Variants in ZBTB20 observed in about 807,000 individuals in gnomAD.
ZBTB20 encodes the protein zinc finger and BTB domain-containing protein 20.
In ZBTB20, 9 loss-of-function variants were observed where a neutral mutation model predicts 56.9. The ratio of observed to expected loss-of-function variants is 0.16; its 90% confidence interval spans 0.10 to 0.28. The LOEUF (loss-of-function observed/expected upper bound fraction) is 0.28, where lower values mean the gene tolerates loss of function less well. Among genes scored for constraint, ZBTB20 ranks in the 10% least tolerant of loss-of-function variants. The probability of loss-of-function intolerance (pLI) is 1.00; values close to 1 mark genes in which losing one functional copy is unlikely to be tolerated. For synonymous variants in ZBTB20, 417 were observed against 420.7 expected (o/e 0.99, Z 0.11); for missense variants, 655 against 1,003.0 (o/e 0.65, Z 4.69).
chr3:115,041,820 C>T (rs891622773), intron 2 of ZBTB20, among the ~76,000 whole-genome samples: 1 of 152,078 alleles, frequency 6.6e-6, no homozygotes, highest in African/African-American at 2.4e-5. Context: ...AAATTAGACG[C>T]AAAAGTTTGA....
intron 5 of ZBTB20, among the ~76,000 whole-genome samples, chr3:114,798,341 C>CA (rs751057036): frequency 1.5e-5 from 1 of 68,576 alleles, no homozygotes; most frequent in Non-Finnish European, 4.9e-5. Flanking sequence ...AATTAAAAAA[C>CA]AAAAAAACAA....
chr3:114,926,278 C>G (rs1040163663), intron 3 of ZBTB20, among the ~76,000 whole-genome samples: 1 of 152,170 alleles, frequency 6.6e-6, no homozygotes, highest in Admixed American at 6.5e-5. Flanking sequence ...ATGACATTTG[C>G]TTAATACAAA....
At chr3:114,803,546 G>A (rs191125815) in intron 4 of ZBTB20, among the ~76,000 whole-genome samples, 44 of 151,830 alleles carry the variant, frequency 2.9e-4, no homozygotes, top group Admixed American at 2.6e-3. Context: ...GCCCAAAGAT[G>A]GACCTGGAAG....
chr3:114,999,400 T>C (rs1365389179), intron 2 of ZBTB20, among the ~76,000 whole-genome samples: 1 of 151,672 alleles, frequency 6.6e-6, no homozygotes, highest in Non-Finnish European at 1.5e-5. Flanking sequence ...TGAGGGCACA[T>C]GTAAAAACTT....
At chr3:114,488,561 T>C (rs1480892159) in intron 7 of ZBTB20, among the ~76,000 whole-genome samples, 1 of 152,204 alleles carries the variant, frequency 6.6e-6, no homozygotes, top group Non-Finnish European at 1.5e-5. Flanking sequence ...TATTCATGTA[T>C]ATGGCAAAAA....
intron 1 of ZBTB20, among the ~76,000 whole-genome samples, chr3:115,129,150 C>T (rs2084428991): frequency 6.6e-6 from 1 of 151,870 alleles, no homozygotes; most frequent in Non-Finnish European, 1.5e-5. Flanking sequence ...ATGTCTACTA[C>T]TGGAAGAATA....
chr3:114,384,695 T>C (rs1333280469), intron 8 of ZBTB20, among the ~76,000 whole-genome samples: 1 of 152,220 alleles, frequency 6.6e-6, no homozygotes, highest in African/African-American at 2.4e-5. Context: ...TTTTTAACTC[T>C]CATTGTGCTG....
intron 4 of ZBTB20, among the ~76,000 whole-genome samples, chr3:114,821,517 T>G (rs1297000880): frequency 1.3e-5 from 2 of 152,120 alleles, no homozygotes; most frequent in Non-Finnish European, 2.9e-5. Context: ...GGCCTAGTCT[T>G]CCATGCCAAA....
chr3:114,897,254 G>A (rs977236650), intron 4 of ZBTB20, among the ~76,000 whole-genome samples: 1 of 152,070 alleles, frequency 6.6e-6, no homozygotes, highest in African/African-American at 2.4e-5. Context: ...ATATATCTTT[G>A]TCTCTCACTA....
intron 4 of ZBTB20, among the ~76,000 whole-genome samples, chr3:114,847,248 C>T (rs2074753242): frequency 6.6e-6 from 1 of 150,958 alleles, no homozygotes; most frequent in African/African-American, 2.4e-5. Flanking sequence ...ACCGTCATTA[C>T]TTCAGATTTG....
At chr3:114,627,770 A>G (rs1222781266) in intron 6 of ZBTB20, among the ~76,000 whole-genome samples, 1 of 152,236 alleles carries the variant, frequency 6.6e-6, no homozygotes, top group African/African-American at 2.4e-5. Flanking sequence ...ACAAGTCACA[A>G]TGACAAATCA....
At chr3:114,927,372 G>C (rs886864663) in intron 3 of ZBTB20, among the ~76,000 whole-genome samples, 6 of 152,162 alleles carry the variant, frequency 3.9e-5, no homozygotes, top group African/African-American at 1.2e-4. Flanking sequence ...TGCTCCGACT[G>C]TCTTGGGCAC....
chr3:114,762,794 T>C (rs2068528622), intron 5 of ZBTB20, among the ~76,000 whole-genome samples: 1 of 152,190 alleles, frequency 6.6e-6, no homozygotes, highest in Non-Finnish European at 1.5e-5. Flanking sequence ...AGAAGACAAC[T>C]TCACGTACTC....
chr3:114,662,491 CA>C (rs1404220707), intron 6 of ZBTB20, among the ~76,000 whole-genome samples: 42 of 146,410 alleles, frequency 2.9e-4, no homozygotes, highest in African/African-American at 1.1e-3. Flanking sequence ...CTCACTTCCA[CA>C]ATGGTTGAAC....
intron 5 of ZBTB20, among the ~76,000 whole-genome samples, chr3:114,749,731 G>A (rs554735893): frequency 1.1e-3 from 170 of 152,254 alleles, no homozygotes; most frequent in Middle Eastern, 3.4e-3. Context: ...AAGGATGAAC[G>A]TTAGTCTTAG....
intron 7 of ZBTB20, among the ~76,000 whole-genome samples, chr3:114,476,127 T>C (rs527946400): frequency 3.3e-4 from 50 of 152,314 alleles, no homozygotes; most frequent in Non-Finnish European, 6.0e-4. Flanking sequence ...ACTTAATATA[T>C]AGTATAAATA....
At position 114,351,826 on chromosome 3, in the gene ZBTB20, G is replaced by T. The variant is rs1300458937; in HGVS notation, c.252C>A (p.His84Gln). Residue 84 changes from histidine (H) to glutamine (Q), a missense_variant, in exon 11 of 12, where the codon CAC becomes CAA. Transcript: ENST00000675478. ...TCTCGAGCACGGAATTGCTGAAGTT[G>T]TGAAGGTTGATGCTGTGAATGCGCT... ...MTERIHSINL[H>Q]NFSNSVLETL... is the part of the protein sequence containing the mutation. The T allele has an allele frequency of 6.2e-7, 1 of 1,605,320 alleles. No homozygotes were observed. Among genetic ancestry groups the T allele is most frequent in the African/African-American group, 1.3e-5 (1 of 74,800 alleles).
chr3:114,494,870 T>C (rs1021012209), intron 7 of ZBTB20, among the ~76,000 whole-genome samples: 10 of 152,344 alleles, frequency 6.6e-5, no homozygotes, highest in Non-Finnish European at 1.5e-4. Context: ...AGGTTTAGAA[T>C]TCAAGTGGGG....
In ZBTB20 at chr3:114,756,337, C is replaced by T. The variant is rs145784256; in HGVS notation, c.-343+44764G>A. ...AGGGAGATATAAAATTAAAATACCA[C>T]CATGAAAAAATCCATATGAAATTTG... On this transcript the variant is annotated intron_variant, in intron 5 of 11. Coordinates refer to ENST00000675478, the MANE Select transcript of ZBTB20 (RefSeq NM_001348800.3). 8.5e-5 allele frequency among the ~76,000 whole-genome samples: 13 copies of T among 152,202 alleles called. No homozygotes were observed. In the East Asian group the frequency reaches 2.5e-3, roughly 29 times the overall value.
Sources: gnomAD v4.1 joint callset for allele counts (sites outside exome capture counted in the v4.1 genomes callset) on GRCh38, gnomAD v4.1.1 for gene constraint, MANE v1.5 for transcripts, NCBI Gene and HGNC (gene_info 2026-07-23, HGNC 2026-07-21) for gene names.